ARMH4: variants seen among roughly 807,000 people sequenced by gnomAD.
ARMH4 encodes the protein armadillo-like helical domain-containing protein 4.
A neutral mutation model predicts 61.9 loss-of-function variants in ARMH4; 49 were observed. That is an observed-to-expected ratio of 0.79 (90% CI 0.63 to 1.00). The LOEUF (loss-of-function observed/expected upper bound fraction) is 1.00. Among genes scored for constraint, ARMH4 ranks in the 50% least tolerant of loss-of-function variants. The pLI is 0.00. For missense variants in ARMH4, 934 were observed against 930.0 expected (o/e 1.00, Z -0.06); for synonymous variants, 368 against 341.5 (o/e 1.08, Z -0.85).
At chr14:58,131,860 C>G (rs1566595577) in intron 3 of ARMH4, 139 bp from the exon 4 acceptor site, 1 of 697,790 alleles carries the variant, frequency 1.4e-6, no homozygotes, top group Non-Finnish European at 2.4e-6. Flanking sequence ...GGTCAGCTCT[C>G]CTTTCCCATA....
chr14:58,092,073 G>A (rs1354065397), intron 5 of ARMH4, among the ~76,000 whole-genome samples: 2 of 152,164 alleles, frequency 1.3e-5, no homozygotes, highest in South Asian at 2.1e-4. Context: ...CACTTCACAG[G>A]AAATGAGACT....
At chr14:58,144,537 C>A (rs1887670656) in intron 1 of ARMH4, among the ~76,000 whole-genome samples, 1 of 151,998 alleles carries the variant, frequency 6.6e-6, no homozygotes, top group South Asian at 2.1e-4. Context: ...AGAGAAAAGA[C>A]CCTGTCTCAA....
intron 5 of ARMH4, among the ~76,000 whole-genome samples, chr14:58,088,794 T>C (rs1229690112): frequency 6.6e-6 from 1 of 152,230 alleles, no homozygotes; most frequent in Non-Finnish European, 1.5e-5. Flanking sequence ...GCTGAGGGTT[T>C]TTTTTAAGAC....
intron 5 of ARMH4, among the ~76,000 whole-genome samples, chr14:58,031,934 T>C (rs978384960): frequency 6.6e-6 from 1 of 152,148 alleles, no homozygotes; most frequent in Non-Finnish European, 1.5e-5. Flanking sequence ...TAAAACCCCT[T>C]CCAAGCTTTC....
At chr14:58,124,879 C>T in intron 4 of ARMH4, among the ~76,000 whole-genome samples, 1 of 152,092 alleles carries the variant, frequency 6.6e-6, no homozygotes, top group Non-Finnish European at 1.5e-5. Context: ...AACTAATAGC[C>T]CTCACTTGGG....
intron 4 of ARMH4, among the ~76,000 whole-genome samples, chr14:58,125,872 G>A (rs1370489411): frequency 6.6e-6 from 1 of 152,202 alleles, no homozygotes; most frequent in African/African-American, 2.4e-5. Flanking sequence ...CCTAAGCCTA[G>A]CTGGGAAGGT....
intron 4 of ARMH4, among the ~76,000 whole-genome samples, chr14:58,123,696 G>T (rs1197756542): frequency 6.6e-6 from 1 of 152,146 alleles, no homozygotes; most frequent in Admixed American, 6.5e-5. Flanking sequence ...GTTTGCCTTT[G>T]AAGATCCTTC....
chr14:58,087,398 G>A (rs1041688667), intron 5 of ARMH4, among the ~76,000 whole-genome samples: 4 of 152,054 alleles, frequency 2.6e-5, no homozygotes, highest in African/African-American at 9.7e-5. Flanking sequence ...TCACCTGAGG[G>A]GTTAGCTGAG....
intron 5 of ARMH4, among the ~76,000 whole-genome samples, 172 bp from the exon 6 acceptor site, chr14:58,012,322 G>A (rs1448415540): frequency 2.0e-5 from 3 of 152,080 alleles, no homozygotes; most frequent in African/African-American, 7.2e-5. Flanking sequence ...ATTTAGAAAT[G>A]CAATGGAGAG....
chr14:58,010,757 G>A (rs1362978895), intron 6 of ARMH4, among the ~76,000 whole-genome samples: 4 of 151,634 alleles, frequency 2.6e-5, no homozygotes, highest in African/African-American at 7.3e-5. Context: ...GAATGGTAAA[G>A]CTATATATAC....
chr14:58,148,831 G>T (rs1887830677), intron 1 of ARMH4, among the ~76,000 whole-genome samples: 1 of 146,876 alleles, frequency 6.8e-6, no homozygotes, highest in African/African-American at 2.5e-5. Flanking sequence ...TATATTTTAA[G>T]GTTTCAGAGT....
chr14:58,081,655 C>T (rs1229136678), intron 5 of ARMH4, among the ~76,000 whole-genome samples: 1 of 152,030 alleles, frequency 6.6e-6, no homozygotes, highest in Non-Finnish European at 1.5e-5. Context: ...CACCCACCAC[C>T]ACGCCTGGCT....
Position 58,004,212 on chromosome 14 carries a change from T to A in ARMH4, c.*524A>T, listed in dbSNP as rs1422785513. 6.6e-6 allele frequency: 1 copy of A among 152,342 alleles called. No individual in the cohort carries two copies. The highest frequency in any genetic ancestry group is 1.5e-5 in the Non-Finnish European group (1 of 68,136). 9.4% of individuals were successfully genotyped at this position (152,342 alleles called of 1,614,324 possible). A position where few individuals can be genotyped will look rare whatever the true frequency, so the allele number is the denominator to read the frequency against. On this transcript the variant is annotated 3_prime_UTR_variant, in exon 8 of 8. Coordinates refer to ENST00000267485, the MANE Select transcript of ARMH4 (RefSeq NM_001001872.4). ...ATCCTAATATGCTGAGAGAGCTTCT[T>A]AATGAAAATGATTTCATTCTGAGTT...
intron 5 of ARMH4, among the ~76,000 whole-genome samples, chr14:58,013,903 T>C (rs1042030170): frequency 3.9e-5 from 6 of 151,964 alleles, no homozygotes; most frequent in African/African-American, 1.5e-4. Flanking sequence ...GGCAGACACC[T>C]GTAATCGCAG....
At position 58,107,191 on chromosome 14, in the gene ARMH4, T is replaced by A. The variant is rs534325733; in HGVS notation, c.1832-10210A>T. Among the ~76,000 whole-genome samples, 3 of 152,324 alleles carry A rather than the reference T, an allele frequency of 2.0e-5. No homozygotes were observed. In the East Asian group the frequency reaches 5.8e-4, roughly 29 times the overall value. On this transcript the variant is annotated intron_variant, in intron 4 of 7. Transcript: ENST00000267485. ...GAAGTAGCTAGCACTTCCAGGCTGT[T>A]ACTAATGCATCAAAGATAGAAAAAA...
Position 58,060,830 on chromosome 14 carries a change from G to A in ARMH4, c.2089+35894C>T, listed in dbSNP as rs572509385. On this transcript the variant is annotated intron_variant, in intron 5 of 7. Transcript: ENST00000267485. ...TACAGCAAATGCACAAAGGGAAGAA[G>A]TTTTTAGAGTTCCCAGATTCCCAAA... 1.3e-4 allele frequency among the ~76,000 whole-genome samples: 20 copies of A among 152,280 alleles called. No homozygotes were observed. The East Asian group carries it at 3.1e-3, about 24-fold the overall frequency.
At chr14:58,082,524 C>T (rs1328277309) in intron 5 of ARMH4, among the ~76,000 whole-genome samples, 2 of 152,194 alleles carry the variant, frequency 1.3e-5, no homozygotes, top group Non-Finnish European at 2.9e-5. Context: ...AAAGTGAAGG[C>T]TTCAGTTCAG....
Position 58,046,109 on chromosome 14 carries a change from C to T in ARMH4, c.2090-33959G>A, listed in dbSNP as rs1483535670. 4.6e-5 allele frequency among the ~76,000 whole-genome samples: 7 copies of T among 152,252 alleles called. No homozygotes were observed. The East Asian group carries it at 1.4e-3, about 29-fold the overall frequency. ...TTTATGGTCTTTTGTTATGGCAGCC[C>T]AAGGAAAGTAGTATAATACAATAAG... On this transcript the variant is annotated intron_variant, in intron 5 of 7. Coordinates refer to ENST00000267485, the MANE Select transcript of ARMH4 (RefSeq NM_001001872.4).
intron 5 of ARMH4, among the ~76,000 whole-genome samples, chr14:58,040,903 C>T (rs1594713910): frequency 1.3e-5 from 2 of 152,170 alleles, no homozygotes; most frequent in Non-Finnish European, 2.9e-5. Flanking sequence ...CATTTCAAAT[C>T]AATTTTTGGA....
Sources: gnomAD v4.1 joint callset for allele counts (sites outside exome capture counted in the v4.1 genomes callset) on GRCh38, gnomAD v4.1.1 for gene constraint, MANE v1.5 for transcripts, NCBI Gene and HGNC (gene_info 2026-07-23, HGNC 2026-07-21) for gene names.